CREBBP: variants seen among roughly 807,000 people sequenced by gnomAD.
CREBBP encodes the protein CREB binding lysine acetyltransferase, also known as CREB-binding protein.
CREBBP carries 19 observed loss-of-function variants against 265.0 expected under a neutral mutation model. That is an observed-to-expected ratio of 0.07 (90% CI 0.05 to 0.11). The LOEUF is 0.11. Among genes scored for constraint, CREBBP ranks in the 10% least tolerant of loss-of-function variants. The probability of loss-of-function intolerance (pLI) is 1.00; values close to 1 mark genes in which losing one functional copy is unlikely to be tolerated. For missense variants in CREBBP, 2,525 were observed against 3,219.0 expected (o/e 0.78, Z 5.22); for synonymous variants, 1,457 against 1,223.7 (o/e 1.19, Z -3.98).
chr16:3,833,141 G>A (rs546284152), intron 2 of CREBBP, among the ~76,000 whole-genome samples: 91 of 152,306 alleles, frequency 6.0e-4, no homozygotes, highest in African/African-American at 1.9e-3. Flanking sequence ...GGCCAGGCAC[G>A]GTGGCTCACA....
intron 1 of CREBBP, among the ~76,000 whole-genome samples, chr16:3,870,487 C>T (rs1284169955): frequency 6.6e-6 from 1 of 152,158 alleles, no homozygotes; most frequent in Non-Finnish European, 1.5e-5. Context: ...TAACTAGAAA[C>T]AGAGTTCCAT....
Position 3,727,904 on chromosome 16 carries a change from A to G in CREBBP, c.7143T>C (p.Gly2381=). The change falls in exon 31 of 31, where the codon GGT becomes GGC. Residue 2381 remains glycine (G), a synonymous_variant. Coordinates refer to ENST00000262367, the MANE Select transcript of CREBBP (RefSeq NM_004380.3). The stretch of plus-strand genomic sequence containing the variant: ...TGACTGCGAGTCCGGGGTGGGGGGA[A>G]CCAGTCTGGGGTGAGACGTGGTGTG... ...PSPHHVSPQT[G]SPHPGLAVTM... is the part of the protein sequence containing the mutation. The G allele has an allele frequency of 6.2e-7, 1 of 1,612,444 alleles. No individual in the cohort carries two copies. Among genetic ancestry groups the G allele is most frequent in the East Asian group, 2.2e-5 (1 of 44,830 alleles).
intron 16 of CREBBP, among the ~76,000 whole-genome samples, chr16:3,763,610 T>C (rs564812683): frequency 9.5e-4 from 144 of 151,772 alleles, no homozygotes; most frequent in African/African-American, 3.5e-3. Context: ...ATTACAGGCA[T>C]GCGCCACCAG....
chr16:3,865,436 G>A (rs1452621104), intron 1 of CREBBP, among the ~76,000 whole-genome samples: 1 of 152,100 alleles, frequency 6.6e-6, no homozygotes, highest in Non-Finnish European at 1.5e-5. Context: ...TGCTACCTCA[G>A]TTAAGAAGAA....
At chr16:3,813,227 A>T (rs2053971317) in intron 2 of CREBBP, among the ~76,000 whole-genome samples, 1 of 152,190 alleles carries the variant, frequency 6.6e-6, no homozygotes, top group African/African-American at 2.4e-5. Flanking sequence ...CTCCTAGGTG[A>T]CATTTCTCAC....
intron 30 of CREBBP, chr16:3,730,382 G>T: frequency 5.6e-6 from 1 of 177,550 alleles, no homozygotes; most frequent in Non-Finnish European, 1.2e-5. Context: ...GACAGCTGCC[G>T]TGAAGTGCCT....
intron 2 of CREBBP, among the ~76,000 whole-genome samples, chr16:3,818,307 T>TC (rs1281908267): frequency 6.1e-4 from 86 of 140,728 alleles, no homozygotes; most frequent in African/African-American, 1.9e-3. Flanking sequence ...TCTTTTCTTT[T>TC]TTTTTTTTTT....
chr16:3,740,608 T>C (rs2151341725), intron 23 of CREBBP, 59 bp from the exon 24 acceptor site: 3 of 1,597,998 alleles, frequency 1.9e-6, no homozygotes, highest in Non-Finnish European at 2.6e-6. Flanking sequence ...AGACAGTGAC[T>C]GAGACTAGAG....
intron 16 of CREBBP, among the ~76,000 whole-genome samples, chr16:3,759,566 A>T (rs968489525): frequency 7.0e-6 from 1 of 142,916 alleles, no homozygotes; most frequent in Non-Finnish European, 1.5e-5. Context: ...CAGCCTGGAC[A>T]ACAAGAGCAA....
intron 13 of CREBBP, among the ~76,000 whole-genome samples, chr16:3,771,571 T>C (rs1449792491): frequency 1.3e-5 from 2 of 152,064 alleles, no homozygotes; most frequent in African/African-American, 2.4e-5. Context: ...TCCACTCGGA[T>C]ACATTCCAAG....
Position 3,850,470 on chromosome 16 carries a change from T to A in CREBBP, c.625A>T (p.Met209Leu). 1 of 1,614,236 alleles carries A rather than the reference T, an allele frequency of 6.2e-7. No individual in the cohort carries two copies. The highest frequency in any genetic ancestry group is 8.5e-7 in the Non-Finnish European group (1 of 1,180,040). The change falls in exon 2 of 31, where the codon ATG (methionine) becomes TTG (leucine). Residue 209 changes from methionine (M) to leucine (L), a missense_variant. Coordinates refer to ENST00000262367, the MANE Select transcript of CREBBP (RefSeq NM_004380.3). ...CCAGCAGCCCCAAGAGATCCATTCA[T>A]GACTTGCGCCTGCCCTTGTGAAGCC... ...NQASQGQAQV[M>L]NGSLGAAGRG...
At chr16:3,740,597 G>T in intron 23 of CREBBP, 48 bp from the exon 24 acceptor site, 1 of 1,610,098 alleles carries the variant, frequency 6.2e-7, no homozygotes, top group African/African-American at 1.3e-5. Flanking sequence ...CAGCACTGCT[G>T]AGACAGTGAC....
At chr16:3,848,869 C>G (rs1258476206) in intron 2 of CREBBP, among the ~76,000 whole-genome samples, 1 of 152,172 alleles carries the variant, frequency 6.6e-6, no homozygotes, top group Non-Finnish European at 1.5e-5. Context: ...GTTCACGTTC[C>G]TCTCTACTAA....
rs2051921850 is a variant in CREBBP at position 3,731,717 on chromosome 16, G to T, written c.4890+59C>A. The T allele has an allele frequency of 6.8e-6, 11 of 1,609,900 alleles. No homozygotes were observed. Among genetic ancestry groups the T allele is most frequent in the South Asian group, 1.1e-5 (1 of 91,002 alleles). ...GCACACGGGCCCACGCCCGCCAGCTGCGAGTCTTTCCCTCCTCCCGGCCAG... is the reference window on the plus strand; with the variant it reads ...GCACACGGGCCCACGCCCGCCAGCTTCGAGTCTTTCCCTCCTCCCGGCCAG... On this transcript the variant is annotated intron_variant, in intron 29 of 30. Coordinates refer to ENST00000262367, the MANE Select transcript of CREBBP (RefSeq NM_004380.3). The surrounding 1 kb of genome is among the most constrained non-coding windows in gnomAD (Gnocchi z 7.7).
intron 2 of CREBBP, among the ~76,000 whole-genome samples, chr16:3,847,349 C>T (rs1309035751): frequency 2.0e-5 from 3 of 152,098 alleles, no homozygotes; most frequent in Non-Finnish European, 4.4e-5. Flanking sequence ...TTAAAAAAAG[C>T]GCCTTTTCCC....
At chr16:3,821,380 T>G (rs1374300943) in intron 2 of CREBBP, among the ~76,000 whole-genome samples, 1 of 152,172 alleles carries the variant, frequency 6.6e-6, no homozygotes, top group Non-Finnish European at 1.5e-5. Flanking sequence ...CCAGAGTGGA[T>G]GGCCAGCAGC....
intron 18 of CREBBP, 110 bp downstream of exon 18, chr16:3,757,699 G>A (rs546551553): frequency 4.1e-6 from 6 of 1,466,068 alleles, no homozygotes; most frequent in Non-Finnish European, 4.7e-6. Context: ...CCAGACAGCA[G>A]ATTGCACATA....
At chr16:3,772,533 C>T (rs2053037932) in intron 13 of CREBBP, among the ~76,000 whole-genome samples, 1 of 152,070 alleles carries the variant, frequency 6.6e-6, no homozygotes, top group South Asian at 2.1e-4. Context: ...GTAAATAAAG[C>T]TTTATTGGCA....
Position 3,736,021 on chromosome 16 carries a change from G to C in CREBBP, c.4728+15C>G, listed in dbSNP as rs761902273. 3 of 1,614,214 alleles carry C rather than the reference G, an allele frequency of 1.9e-6. No homozygotes were observed. The East Asian group carries it at 6.7e-5, about 36-fold the overall frequency. On this transcript the variant is annotated intron_variant, in intron 28 of 30. Transcript: ENST00000262367. ...CGGGACACGTGGGCAATGGAGCTCAGAGAAGGGTCTGTACCTCAGTGGTTT... is the reference window on the plus strand; with the variant it reads ...CGGGACACGTGGGCAATGGAGCTCACAGAAGGGTCTGTACCTCAGTGGTTT...
Sources: allele counts gnomAD v4.1 joint callset (sites outside exome capture counted in the v4.1 genomes callset), GRCh38; gene constraint gnomAD v4.1.1; non-coding constraint Gnocchi (gnomAD v3.1); transcripts MANE v1.5; gene names NCBI Gene and HGNC (gene_info 2026-07-23, HGNC 2026-07-21).